The following CLSTN2 variants were observed in gnomAD, a reference collection of about 807,000 sequenced individuals.
The protein encoded by CLSTN2 is calsyntenin-2.
In CLSTN2, 48 loss-of-function variants were observed where a neutral mutation model predicts 101.2. The ratio of observed to expected loss-of-function variants is 0.47; its 90% CI spans 0.38 to 0.60. The LOEUF is 0.60. CLSTN2 is among the 20% of genes least tolerant of loss of function. CLSTN2 has a pLI of 0.00. For synonymous variants in CLSTN2, 481 were observed against 463.6 expected (o/e 1.04, Z -0.48); for missense variants, 1,160 against 1,238.2 (o/e 0.94, Z 0.95).
chr3:140,335,751 T>C (rs2107932592), intron 2 of CLSTN2, among the ~76,000 whole-genome samples: 1 of 152,342 alleles, frequency 6.6e-6, no homozygotes, highest in South Asian at 2.1e-4. Context: ...GATGCTAAAA[T>C]TAATTCAATC....
At position 140,572,624 on chromosome 3, in the gene CLSTN2, C is replaced by G. The variant is rs1453943375; in HGVS notation, c.*6371C>G. The G allele has an allele frequency of 6.6e-6, 1 of 152,224 alleles. No homozygotes were observed. Among genetic ancestry groups the G allele is most frequent in the Non-Finnish European group, 1.5e-5 (1 of 68,092 alleles). The allele number at this position is 152,224 out of a possible 1,614,324, so 9.4% of individuals were successfully genotyped here. On this transcript the variant is annotated 3_prime_UTR_variant, in exon 17 of 17. Transcript: ENST00000458420. Reference sequence around the variant, plus strand: ...TGCTGAGGAGCAGTGGTTCCCTGGGCCAGCTGCATCACCTGGGAACATGTG... The same window carrying G: ...TGCTGAGGAGCAGTGGTTCCCTGGGGCAGCTGCATCACCTGGGAACATGTG...
intron 2 of CLSTN2, among the ~76,000 whole-genome samples, chr3:140,362,438 C>T (rs781722853): frequency 5.3e-5 from 8 of 152,026 alleles, no homozygotes; most frequent in Non-Finnish European, 1.2e-4. Flanking sequence ...AAGCATGACT[C>T]ATAAAAACAT....
intron 2 of CLSTN2, among the ~76,000 whole-genome samples, chr3:140,269,716 G>C (rs1047714117): frequency 8.5e-5 from 13 of 152,206 alleles, no homozygotes; most frequent in African/African-American, 2.4e-4. Flanking sequence ...AGTTGGGACT[G>C]TGTGAGATGT....
At chr3:140,365,408 C>G (rs940739661) in intron 2 of CLSTN2, among the ~76,000 whole-genome samples, 5 of 152,032 alleles carry the variant, frequency 3.3e-5, no homozygotes, top group African/African-American at 1.2e-4. Context: ...CTACAGGGCC[C>G]AAAGCAAAGA....
In CLSTN2 at chr3:140,557,354, G is replaced by A. The variant is rs907488; in HGVS notation, c.1823+693G>A. ...ATCTGCTGACTGCCACATTGTTGGAGCCTGGGACAGGCACCAGAAAAAAAC... is the reference window on the plus strand; with the variant it reads ...ATCTGCTGACTGCCACATTGTTGGAACCTGGGACAGGCACCAGAAAAAAAC... On this transcript the variant is annotated intron_variant, in intron 11 of 16. Coordinates refer to ENST00000458420, the MANE Select transcript of CLSTN2 (RefSeq NM_022131.3). Among the ~76,000 whole-genome samples, 381 of 152,314 alleles carry A rather than the reference G, an allele frequency of 2.5e-3. 1 individual carries two copies. Among genetic ancestry groups the A allele is most frequent in the African/African-American group, 8.9e-3 (370 of 41,566 alleles).
At position 140,459,582 on chromosome 3, in the gene CLSTN2, A is replaced by C. The variant is rs1358924324; in HGVS notation, c.1035A>C (p.Ala345=). Residue 345 remains alanine, a synonymous_variant, in exon 7 of 17, where the codon GCA becomes GCC. Coordinates refer to ENST00000458420, the MANE Select transcript of CLSTN2 (RefSeq NM_022131.3). ...CTAGCGCTGCCACCAACTGGACTGC[A>C]GGACTGCTGGTGGACAGCAGTGAGA... The part of the protein sequence containing the change: ...PSPSAATNWT[A]GLLVDSSEMI... 6.2e-7 allele frequency: 1 copy of C among 1,614,108 alleles called. No individual in the cohort carries two copies. The highest frequency in any genetic ancestry group is 1.1e-5 in the South Asian group (1 of 91,070).
chr3:140,251,558 G>T (rs994579598), intron 2 of CLSTN2, among the ~76,000 whole-genome samples: 1 of 130,168 alleles, frequency 7.7e-6, no homozygotes, highest in African/African-American at 2.9e-5. Context: ...GGAAAAGAAA[G>T]TCAATAACGG....
At chr3:140,235,272 A>G (rs2086406368) in intron 2 of CLSTN2, among the ~76,000 whole-genome samples, 1 of 152,138 alleles carries the variant, frequency 6.6e-6, no homozygotes, top group Non-Finnish European at 1.5e-5. Flanking sequence ...TTCTCTCCCC[A>G]TGATTGAACC....
In CLSTN2 at chr3:140,166,474, G is replaced by A. The variant is rs868296333; in HGVS notation, c.110-9477G>A. Among the ~76,000 whole-genome samples the A allele has an allele frequency of 7.9e-5, 12 of 152,322 alleles. No individual in the cohort carries two copies. The South Asian group carries it at 1.2e-3, about 16-fold the overall frequency. ...CTTTCACTCAGGGAGCAGTATTGGA[G>A]TTTTAAAGATCCAGGGTTGTCCAGA... On this transcript the variant is annotated intron_variant, in intron 1 of 16. Transcript: ENST00000458420.
intron 1 of CLSTN2, among the ~76,000 whole-genome samples, chr3:140,013,304 G>A (rs1287877210): frequency 6.6e-6 from 1 of 152,236 alleles, no homozygotes; most frequent in African/African-American, 2.4e-5. Flanking sequence ...TGAAGCTCTG[G>A]AGCCTAGGGC....
chr3:140,239,964 TA>T (rs2086445805), intron 2 of CLSTN2, among the ~76,000 whole-genome samples: 1 of 150,534 alleles, frequency 6.6e-6, no homozygotes, highest in Admixed American at 6.7e-5. Context: ...ATAGACATCT[TA>T]AAACAAAAGC....
intron 1 of CLSTN2, among the ~76,000 whole-genome samples, chr3:139,992,573 G>A (rs191132284): frequency 6.6e-6 from 1 of 152,144 alleles, no homozygotes; most frequent in South Asian, 2.1e-4. Context: ...AGTATGTATT[G>A]AGCACCTATT....
intron 1 of CLSTN2, among the ~76,000 whole-genome samples, chr3:140,119,805 G>A (rs142375710): frequency 6.6e-6 from 1 of 152,152 alleles, no homozygotes; most frequent in Non-Finnish European, 1.5e-5. Flanking sequence ...CTGGTCAGCA[G>A]TAGGGCATCT....
intron 1 of CLSTN2, among the ~76,000 whole-genome samples, chr3:140,096,188 T>A (rs2008865818): frequency 6.6e-6 from 1 of 152,174 alleles, no homozygotes; most frequent in Non-Finnish European, 1.5e-5. Flanking sequence ...CATTTTCTCT[T>A]CAGTGTCCAG....
At chr3:140,172,084 A>G (rs1458366166) in intron 1 of CLSTN2, among the ~76,000 whole-genome samples, 1 of 150,900 alleles carries the variant, frequency 6.6e-6, no homozygotes, top group African/African-American at 2.4e-5. Context: ...GAAGCACTGC[A>G]TATGTGACCA....
chr3:140,135,117 C>CATATATAT (rs66931848), intron 1 of CLSTN2, among the ~76,000 whole-genome samples: 39 of 58,094 alleles, frequency 6.7e-4, no homozygotes, highest in African/African-American at 8.6e-4. Flanking sequence ...CACACACACA[C>CATATATAT]ATATATATAT....
intron 5 of CLSTN2, among the ~76,000 whole-genome samples, chr3:140,425,147 C>T (rs2107993755): frequency 6.6e-6 from 1 of 152,330 alleles, no homozygotes; most frequent in South Asian, 2.1e-4. Flanking sequence ...TGAATCCAAT[C>T]CATTACACGC....
intron 2 of CLSTN2, among the ~76,000 whole-genome samples, chr3:140,233,362 T>C (rs1487050902): frequency 6.6e-6 from 1 of 152,146 alleles, no homozygotes; most frequent in African/African-American, 2.4e-5. Context: ...TTCTGGGCTG[T>C]ATAGGTGTTC....
At chr3:139,983,746 A>T (rs1935974641) in intron 1 of CLSTN2, among the ~76,000 whole-genome samples, 2 of 152,208 alleles carry the variant, frequency 1.3e-5, no homozygotes, top group South Asian at 2.1e-4. Flanking sequence ...ATTTAAAAAA[A>T]TCAACCTCCA....
Sources: gnomAD v4.1 joint callset for allele counts (sites outside exome capture counted in the v4.1 genomes callset) on GRCh38, gnomAD v4.1.1 for gene constraint, MANE v1.5 for transcripts, NCBI Gene and HGNC (gene_info 2026-07-23, HGNC 2026-07-21) for gene names.